PCDH11X: variants seen among roughly 807,000 people sequenced by gnomAD.
PCDH11X encodes protocadherin-11 X-linked.
Under a neutral mutation model 53.3 loss-of-function variants are expected in PCDH11X, and 18 were observed. The ratio of observed to expected loss-of-function variants is 0.34; its 90% confidence interval spans 0.23 to 0.50. The LOEUF (loss-of-function observed/expected upper bound fraction) is 0.50, where lower values mean the gene tolerates loss of function less well. Among genes scored for constraint, PCDH11X ranks in the 20% least tolerant of loss-of-function variants. PCDH11X has a pLI of 0.98. For missense variants in PCDH11X, 570 were observed against 1,032.4 expected, an observed-to-expected ratio of 0.55 and a Z score of 6.14; for synonymous variants, 279 against 393.3, an observed-to-expected ratio of 0.71 and a Z score of 3.44.
intron 6 of PCDH11X, among the ~76,000 whole-genome samples, chrX:92,074,175 T>C (rs2063742670): frequency 9.0e-6 from 1 of 111,515 alleles, no homozygotes; most frequent in Non-Finnish European, 1.9e-5. Flanking sequence ...ATAAGAAATA[T>C]CTATCTCTTT....
At chrX:92,187,595 T>G (rs2066120815) in intron 6 of PCDH11X, among the ~76,000 whole-genome samples, 1 of 111,678 alleles carries the variant, frequency 9.0e-6, no homozygotes, top group Non-Finnish European at 1.9e-5. Flanking sequence ...AGGTAATATA[T>G]AGATCTTAAT....
rs183705383 is a variant in PCDH11X at position 91,989,289 on chromosome X, G to A, written c.3033+110016G>A. 6.3e-3 allele frequency among the ~76,000 whole-genome samples: 704 copies of A among 111,377 alleles called. 7 individuals are homozygous for A. Among genetic ancestry groups the A allele is most frequent in the African/African-American group, 0.022 (676 of 30,700 alleles). ...AAAGAAGAAGAAAAGAAGGCCGGGCGCGGTGGCTCATGCCTGTAATCCCAG... is the reference window on the plus strand; with the variant it reads ...AAAGAAGAAGAAAAGAAGGCCGGGCACGGTGGCTCATGCCTGTAATCCCAG... On this transcript the variant is annotated intron_variant, in intron 6 of 10. Transcript: ENST00000682573.
At chrX:92,030,065 C>T (rs1481029301) in intron 6 of PCDH11X, among the ~76,000 whole-genome samples, 2 of 111,869 alleles carry the variant, frequency 1.8e-5, no homozygotes, top group African/African-American at 3.3e-5. Flanking sequence ...CAGGTTCAAG[C>T]GATTCTCCTC....
At chrX:92,211,023 C>T (rs2066575726) in intron 7 of PCDH11X, among the ~76,000 whole-genome samples, 1 of 111,925 alleles carries the variant, frequency 8.9e-6, no homozygotes, top group African/African-American at 3.2e-5. Context: ...TACTCAGTTC[C>T]AAAGTCACTT....
At chrX:91,976,129 T>C (rs952957624) in intron 6 of PCDH11X, among the ~76,000 whole-genome samples, 1 of 111,595 alleles carries the variant, frequency 9.0e-6, no homozygotes, top group African/African-American at 3.3e-5. Flanking sequence ...CAGGGCTCAC[T>C]GTAGCCTCAA....
At chrX:92,214,938 C>A (rs755456421) in intron 7 of PCDH11X, among the ~76,000 whole-genome samples, 51 of 111,527 alleles carry the variant, frequency 4.6e-4, no homozygotes, top group Middle Eastern at 4.6e-3. Flanking sequence ...GTCCCAGCTA[C>A]TTGGGAGGCT....
chrX:91,920,080 A>G, intron 6 of PCDH11X, among the ~76,000 whole-genome samples: 1 of 111,608 alleles, frequency 9.0e-6, no homozygotes, highest in Non-Finnish European at 1.9e-5. Context: ...TCACCTTCCA[A>G]AATTTCACTT....
intron 6 of PCDH11X, among the ~76,000 whole-genome samples, chrX:91,948,483 C>T (rs1407131048): frequency 9.1e-6 from 1 of 109,687 alleles, no homozygotes; most frequent in African/African-American, 3.3e-5. Flanking sequence ...GACAATGTAC[C>T]TTGGGTTTGG....
intron 6 of PCDH11X, among the ~76,000 whole-genome samples, chrX:92,019,500 A>G (rs1328118888): frequency 1.8e-5 from 2 of 111,985 alleles, no homozygotes; most frequent in East Asian, 5.6e-4. Flanking sequence ...CTGAAATTAT[A>G]ATAACCACTC....
intron 6 of PCDH11X, among the ~76,000 whole-genome samples, chrX:91,932,652 T>C (rs1426886851): frequency 3.2e-5 from 3 of 94,437 alleles, no homozygotes; most frequent in Admixed American, 2.4e-4. Context: ...GGGCATGGTG[T>C]ATGTGTCTGC....
chrX:91,839,672 G>A (rs1013044290), intron 5 of PCDH11X, among the ~76,000 whole-genome samples: 1 of 110,150 alleles, frequency 9.1e-6, no homozygotes, highest in Non-Finnish European at 1.9e-5. Context: ...TGATTACCAA[G>A]TAATTCTGCT....
chrX:91,829,623 GTTTC>G (rs1258180437), intron 4 of PCDH11X, among the ~76,000 whole-genome samples: 4 of 110,738 alleles, frequency 3.6e-5, no homozygotes, highest in African/African-American at 1.3e-4. Flanking sequence ...ATCACTTTCT[GTTTC>G]TTTCTCTTTT....
chrX:91,822,293 C>G (rs1294850005), intron 4 of PCDH11X, among the ~76,000 whole-genome samples: 14 of 106,195 alleles, frequency 1.3e-4, no homozygotes, highest in Non-Finnish European at 1.2e-4. Context: ...GGCTGTGAAT[C>G]CATCTGGTCC....
chrX:92,527,085 C>A (rs34659012), intron 10 of PCDH11X, among the ~76,000 whole-genome samples: 6 of 110,879 alleles, frequency 5.4e-5, no homozygotes, highest in African/African-American at 2.0e-4. Context: ...AACTCAGGAA[C>A]GTAGAAAGTT....
At chrX:92,076,900 G>T (rs1394514956) in intron 6 of PCDH11X, among the ~76,000 whole-genome samples, 1 of 112,151 alleles carries the variant, frequency 8.9e-6, no homozygotes, top group Non-Finnish European at 1.9e-5. Context: ...TAGCATGCTG[G>T]AAGTGTGTGT....
At chrX:92,465,899 A>G (rs1349067242) in intron 9 of PCDH11X, among the ~76,000 whole-genome samples, 1 of 111,080 alleles carries the variant, frequency 9.0e-6, no homozygotes, top group Non-Finnish European at 1.9e-5. Context: ...TCATTAATTC[A>G]GAAAATAATG....
chrX:92,400,271 G>T (rs1272968180), intron 9 of PCDH11X, among the ~76,000 whole-genome samples: 3 of 111,611 alleles, frequency 2.7e-5, no homozygotes, highest in Non-Finnish European at 5.6e-5. Context: ...CATCTCTGCA[G>T]GTGAAGTCAT....
chrX:92,258,795 A>T (rs1382432250), intron 7 of PCDH11X, among the ~76,000 whole-genome samples: 1 of 111,894 alleles, frequency 8.9e-6, no homozygotes, highest in African/African-American at 3.2e-5. Flanking sequence ...TTTAAAATAT[A>T]AGTTTCAGTT....
chrX:92,113,161 G>A (rs1444030035), intron 6 of PCDH11X: 2 of 990,812 alleles, frequency 2.0e-6, no homozygotes, highest in Non-Finnish European at 2.7e-6. Context: ...CTATCCCTTG[G>A]CTCCCTTCCT....
Sources: allele counts gnomAD v4.1 joint callset (sites outside exome capture counted in the v4.1 genomes callset), GRCh38; gene constraint gnomAD v4.1.1; transcripts MANE v1.5; gene names NCBI Gene and HGNC (gene_info 2026-07-23, HGNC 2026-07-21).